The following TKFC variants were observed in gnomAD, a reference collection of about 807,000 sequenced individuals.
TKFC encodes triokinase and FMN cyclase.
In TKFC, 46 loss-of-function variants were observed where a neutral mutation model predicts 61.0. That is an observed-to-expected ratio of 0.75 (90% confidence interval 0.60 to 0.96). TKFC has a LOEUF of 0.96. TKFC is among the 50% of genes least tolerant of loss of function. The pLI is 0.00. For missense variants in TKFC, 715 were observed against 777.5 expected, an observed-to-expected ratio of 0.92 and a Z score of 0.96; for synonymous variants, 314 against 330.1, an observed-to-expected ratio of 0.95 and a Z score of 0.53.
intron 5 of TKFC, among the ~76,000 whole-genome samples, chr11:61,339,989 A>G (rs1237367661): frequency 6.8e-5 from 10 of 146,426 alleles, no homozygotes; most frequent in Admixed American, 6.8e-4. Flanking sequence ...TCTTTTTTTT[A>G]TTTTCTTTTA....
At chr11:61,349,415 C>G (rs1857290563), downstream of TKFC, 12 of 632,330 alleles carry the variant, frequency 1.9e-5, no homozygotes, top group South Asian at 1.9e-4. Context: ...GGGGCCCTGC[C>G]AAGAGAGCAA....
intron 13 of TKFC, 53 bp from the exon 14 acceptor site, chr11:61,345,207 T>C: frequency 1.4e-6 from 2 of 1,436,376 alleles, no homozygotes; most frequent in Non-Finnish European, 1.9e-6. Context: ...GCTGGAAGTC[T>C]GGCAGATGGA....
intron 5 of TKFC, 132 bp from the exon 6 acceptor site, chr11:61,341,304 A>G: frequency 2.1e-6 from 2 of 948,624 alleles, no homozygotes; most frequent in Non-Finnish European, 3.3e-6. Flanking sequence ...CCTAAATGTG[A>G]TGGGCCAGGT....
In TKFC at chr11:61,348,105, G is replaced by A. The variant is rs550512127; in HGVS notation, c.*1602G>A. On this transcript the variant is annotated 3_prime_UTR_variant, in exon 18 of 18. Coordinates refer to ENST00000394900, the MANE Select transcript of TKFC (RefSeq NM_015533.4). ...ACGTCCCTGACCACAAGGCATCCAC[G>A]TGCACAGGAGTATGCGCCCAGCAGC... is the stretch of plus-strand genomic sequence containing the variant. 20 of 985,436 alleles carry A rather than the reference G, an allele frequency of 2.0e-5. No individual in the cohort carries two copies. In the East Asian group the frequency reaches 1.7e-3, roughly 84 times the overall value. The allele number at this position is 985,436 out of a possible 1,614,324, so 61.0% of individuals were successfully genotyped here. A position where few individuals can be genotyped will look rare whatever the true frequency, so the allele number is the denominator to read the frequency against.
chr11:61,341,900 G>C lies in TKFC; in HGVS notation c.643G>C (p.Glu215Gln). Residue 215 changes from glutamate (E) to glutamine (Q), a missense_variant, in exon 7 of 18, where the codon GAG (glutamate) becomes CAG (glutamine). Transcript: ENST00000394900. ...PTFELSADEV[E>Q]LGLGIHGEAG... is the part of the protein sequence containing the mutation. Reference sequence around the variant, plus strand: ...CTTCGAGCTCTCAGCCGACGAGGTGGAGCTGGGCCTGGGTAAGCTTGTGGC... The same window carrying C: ...CTTCGAGCTCTCAGCCGACGAGGTGCAGCTGGGCCTGGGTAAGCTTGTGGC... 2.5e-6 allele frequency: 4 copies of C among 1,613,128 alleles called. No individual in the cohort carries two copies. Among genetic ancestry groups the C allele is most frequent in the Non-Finnish European group, 3.4e-6 (4 of 1,179,468 alleles).
chr11:61,349,754 C>T, downstream of TKFC: 1 of 660,902 alleles, frequency 1.5e-6, no homozygotes, highest in Admixed American at 2.1e-5. Flanking sequence ...TGGGCCGCCA[C>T]TCCCCCTTTC....
At chr11:61,349,937 T>A (rs1208124894), downstream of TKFC, 3 of 486,898 alleles carry the variant, frequency 6.2e-6, no homozygotes, top group Non-Finnish European at 1.1e-5. Flanking sequence ...TGCACTTGAG[T>A]CCCAGCTCTT....
Position 61,346,790 on chromosome 11 carries a change from C to T in TKFC, c.*287C>T, listed in dbSNP as rs1480647577. 8.4e-7 allele frequency: 1 copy of T among 1,187,384 alleles called. No homozygotes were observed. Among genetic ancestry groups the T allele is most frequent in the Non-Finnish European group, 1.0e-6 (1 of 957,480 alleles). 73.6% of individuals were successfully genotyped at this position (1,187,384 alleles called of 1,614,324 possible). ...CCAGCTCTGGGCTTCAGAGATAAGG[C>T]ATTTTCCTTGTGCAGCCTTTACCTG... is the stretch of plus-strand genomic sequence containing the variant. On this transcript the variant is annotated 3_prime_UTR_variant, in exon 18 of 18. Transcript: ENST00000394900. The surrounding 1 kb of genome is among the most constrained non-coding windows in gnomAD (Gnocchi z 4.1).
At chr11:61,351,190 A>C (rs1322152318), downstream of TKFC, 1 of 1,556,122 alleles carries the variant, frequency 6.4e-7, no homozygotes, top group South Asian at 1.2e-5. Context: ...AGATTTTTCC[A>C]CCTATTTTTG....
At chr11:61,343,825 G>T in intron 11 of TKFC, 31 bp from the exon 12 acceptor site, 1 of 1,593,436 alleles carries the variant, frequency 6.3e-7, no homozygotes. Flanking sequence ...CTGGACAGCC[G>T]TGTCTAAGAG....
In TKFC at chr11:61,341,542, G is replaced by A. The variant is rs191486188; in HGVS notation, c.565+28G>A. The A allele has an allele frequency of 1.5e-5, 23 of 1,552,590 alleles. No homozygotes were observed. The African/African-American group carries it at 2.0e-4, about 14-fold the overall frequency. ...GAGTGCTGGCCTGGGAGCTGGGGAA[G>A]AGAGTGGGGAAGGTTGGACAGCCCT... On this transcript the variant is annotated intron_variant, in intron 6 of 17. Transcript: ENST00000394900.
intron 10 of TKFC, 96 bp downstream of exon 10, chr11:61,342,940 A>C (rs1856934419): frequency 7.8e-7 from 1 of 1,277,710 alleles, no homozygotes; most frequent in African/African-American, 1.5e-5. Flanking sequence ...GCGTCAGATA[A>C]GCCTGAGTTA....
downstream of TKFC, chr11:61,350,772 G>A (rs891800001): frequency 1.6e-6 from 1 of 640,458 alleles, no homozygotes; most frequent in South Asian, 2.4e-5. Context: ...GGGAAATTCT[G>A]TCTCCCAATG....
rs1214464286 is a variant in TKFC at position 61,347,163 on chromosome 11, C to T, written c.*660C>T. ...TTTTCTTAGCATTGAATTAATAATT[C>T]AGTGGCTCCTCGGGAGTCGAATGGG... On this transcript the variant is annotated 3_prime_UTR_variant, in exon 18 of 18. Transcript: ENST00000394900. 2.8e-5 allele frequency: 28 copies of T among 985,292 alleles called. No homozygotes were observed. The highest frequency in any genetic ancestry group is 3.1e-5 in the Non-Finnish European group (26 of 829,962). The allele number at this position is 985,292 out of a possible 1,614,324, so 61.0% of individuals were successfully genotyped here.
intron 7 of TKFC, chr11:61,342,240 G>A (rs1238199043): frequency 1.6e-6 from 1 of 635,568 alleles, no homozygotes; most frequent in Non-Finnish European, 2.8e-6. Context: ...TTCTTTCCTC[G>A]CCTGTGCTTC....
chr11:61,352,572 A>G, downstream of TKFC: 1 of 196,126 alleles, frequency 5.1e-6, no homozygotes, highest in South Asian at 7.7e-5. Context: ...GAGGCAGGAG[A>G]ATTGCTTGAA....
At position 61,346,449 on chromosome 11, in the gene TKFC, G is replaced by C; in HGVS notation, c.1674G>C (p.Gly558=). Reference sequence around the variant, plus strand: ...CACGGCTGGAGCAGCCAGACCCCGGGGCGGTGGCAGCTGCTGCCATCCTCC... The same window carrying C: ...CACGGCTGGAGCAGCCAGACCCCGGCGCGGTGGCAGCTGCTGCCATCCTCC... ...SSARLEQPDP[G]AVAAAAILRA... The change falls in exon 18 of 18, where the codon GGG becomes GGC. Residue 558 remains glycine (G), a synonymous_variant. Coordinates refer to ENST00000394900, the MANE Select transcript of TKFC (RefSeq NM_015533.4). This position sits in a 1 kb window ranked among gnomAD's most constrained non-coding sequence, Gnocchi z 4.1. The C allele has an allele frequency of 1.9e-6, 3 of 1,610,700 alleles. No homozygotes were observed. Among genetic ancestry groups the C allele is most frequent in the Non-Finnish European group, 2.5e-6 (3 of 1,179,550 alleles).
intron 2 of TKFC, 59 bp from the exon 3 acceptor site, chr11:61,337,882 C>T (rs1051575101): frequency 4.5e-5 from 67 of 1,473,698 alleles, no homozygotes; most frequent in Non-Finnish European, 6.1e-5. Flanking sequence ...TGTGGCTGCG[C>T]AGGATGGGGG....
intron 7 of TKFC, 138 bp downstream of exon 7, chr11:61,342,050 G>C: frequency 1.2e-6 from 1 of 840,346 alleles, no homozygotes; most frequent in Non-Finnish European, 1.8e-6. Context: ...TTGAGGCCCA[G>C]CCTGGGCCAA....
Sources: allele counts gnomAD v4.1 joint callset (sites outside exome capture counted in the v4.1 genomes callset), GRCh38; gene constraint gnomAD v4.1.1; non-coding constraint Gnocchi (gnomAD v3.1); transcripts MANE v1.5; gene names NCBI Gene and HGNC (gene_info 2026-07-23, HGNC 2026-07-21).